Variants in MYO5B observed in about 807,000 individuals in gnomAD.
The protein encoded by MYO5B is unconventional myosin-Vb.
MYO5B carries 143 observed loss-of-function variants against 229.3 expected under a neutral mutation model. The ratio of observed to expected loss-of-function variants is 0.62; its 90% CI spans 0.54 to 0.72. MYO5B has a LOEUF of 0.72. Ranked by LOEUF, MYO5B falls within the 30% of genes least tolerant of loss-of-function variation. MYO5B has a pLI of 0.00. For synonymous variants in MYO5B, 918 were observed against 885.2 expected (o/e 1.04, Z -0.66); for missense variants, 2,321 against 2,331.0 (o/e 1.00, Z 0.09).
chr18:49,864,511 G>C (rs1598841909), intron 27 of MYO5B, 131 bp from the exon 28 acceptor site: 1 of 1,297,632 alleles, frequency 7.7e-7, no homozygotes, highest in East Asian at 2.3e-5. Flanking sequence ...CACATGGAAA[G>C]TTCTGACTGC....
intron 1 of MYO5B, among the ~76,000 whole-genome samples, chr18:50,117,332 G>A (rs1046560580): frequency 4.0e-5 from 6 of 151,826 alleles, no homozygotes; most frequent in Admixed American, 2.6e-4. Flanking sequence ...TTTCTTCAAG[G>A]CTCTTCCAGG....
intron 16 of MYO5B, among the ~76,000 whole-genome samples, chr18:49,930,806 G>T (rs1424547658): frequency 6.6e-6 from 1 of 151,714 alleles, no homozygotes. Flanking sequence ...GCAGAAGAAT[G>T]GCATGAATCC....
chr18:50,086,445 T>A (rs762981454), intron 1 of MYO5B, among the ~76,000 whole-genome samples: 1 of 152,244 alleles, frequency 6.6e-6, no homozygotes, highest in East Asian at 1.9e-4. Flanking sequence ...TTAATACACA[T>A]AGATCTGGCT....
At chr18:49,931,648 C>A (rs892450191) in intron 16 of MYO5B, among the ~76,000 whole-genome samples, 3 of 152,186 alleles carry the variant, frequency 2.0e-5, no homozygotes, top group Middle Eastern at 3.2e-3. Context: ...AGAGGAAGCA[C>A]AGTTCCAGGA....
At chr18:49,996,573 T>G (rs1422858390) in intron 5 of MYO5B, among the ~76,000 whole-genome samples, 1 of 152,242 alleles carries the variant, frequency 6.6e-6, no homozygotes, top group Non-Finnish European at 1.5e-5. Context: ...TACCAACTAC[T>G]TATGGTATAA....
At chr18:49,835,226 C>G (rs2023973578) in intron 39 of MYO5B, 118 bp downstream of exon 39, 9 of 752,328 alleles carry the variant, frequency 1.2e-5, no homozygotes, top group Non-Finnish European at 2.1e-5. Flanking sequence ...TGTAAGGTCT[C>G]CCAGCATATA....
chr18:50,157,875 T>A (rs749650547), intron 1 of MYO5B, among the ~76,000 whole-genome samples: 2 of 152,190 alleles, frequency 1.3e-5, no homozygotes, highest in Non-Finnish European at 2.9e-5. Flanking sequence ...AGCACTTAAA[T>A]AATGGTGAAA....
intron 1 of MYO5B, among the ~76,000 whole-genome samples, chr18:50,111,068 T>G (rs2031855970): frequency 6.6e-6 from 1 of 152,220 alleles, no homozygotes; most frequent in African/African-American, 2.4e-5. Context: ...GTTTTCATTC[T>G]TTGGTGGAGA....
At position 50,052,945 on chromosome 18, in the gene MYO5B, G is replaced by A. The variant is rs534790797; in HGVS notation, c.138+2323C>T. Among the ~76,000 whole-genome samples the A allele has an allele frequency of 4.9e-4, 74 of 152,286 alleles. No homozygotes were observed. The South Asian group carries it at 0.015, about 30-fold the overall frequency. On this transcript the variant is annotated intron_variant, in intron 2 of 39. Coordinates refer to ENST00000285039, the MANE Select transcript of MYO5B (RefSeq NM_001080467.3). Reference sequence around the variant, plus strand: ...TAACTGATGTTAATCCTTTGCTGATGCAGTGAAACCCACACTATTGAACTT... The same window carrying A: ...TAACTGATGTTAATCCTTTGCTGATACAGTGAAACCCACACTATTGAACTT...
intron 25 of MYO5B, 44 bp from the exon 26 acceptor site, chr18:49,875,871 A>G (rs1156427180): frequency 6.2e-7 from 1 of 1,611,154 alleles, no homozygotes; most frequent in African/African-American, 1.3e-5. Flanking sequence ...TCCTAAATAC[A>G]TGCCTTAGGG....
chr18:50,118,120 C>A (rs761330737), intron 1 of MYO5B, among the ~76,000 whole-genome samples: 1 of 152,148 alleles, frequency 6.6e-6, no homozygotes, highest in Non-Finnish European at 1.5e-5. Flanking sequence ...CAAATGATTG[C>A]AACTCAGTAG....
At chr18:49,973,948 G>C (rs16951338) in intron 10 of MYO5B, among the ~76,000 whole-genome samples, 5,167 of 152,284 alleles carry the variant, frequency 0.034, 305 homozygotes, top group African/African-American at 0.12. Context: ...AGGTCAAATG[G>C]TAGATTGAAA....
At chr18:50,113,225 GT>G (rs1388078042) in intron 1 of MYO5B, among the ~76,000 whole-genome samples, 1 of 152,156 alleles carries the variant, frequency 6.6e-6, no homozygotes, top group Non-Finnish European at 1.5e-5. Flanking sequence ...GCATAAAACA[GT>G]GAACAAAAAA....
At chr18:49,946,443 T>G (rs1425742360) in intron 14 of MYO5B, 1 of 152,204 alleles carries the variant, frequency 6.6e-6, no homozygotes, top group Non-Finnish European at 1.5e-5. Context: ...TTTTAGAGCA[T>G]TCTAGATTTG....
intron 17 of MYO5B, among the ~76,000 whole-genome samples, chr18:49,912,855 G>A (rs2144162813): frequency 1.3e-5 from 2 of 152,340 alleles, no homozygotes; most frequent in East Asian, 3.9e-4. Flanking sequence ...AGAAGCAGGA[G>A]CCTTACCTAG....
chr18:50,085,054 A>G (rs1200001115), intron 1 of MYO5B, among the ~76,000 whole-genome samples: 1 of 152,212 alleles, frequency 6.6e-6, no homozygotes, highest in Non-Finnish European at 1.5e-5. Context: ...AAAAGCAAAA[A>G]CTGACAAATG....
At chr18:50,104,288 A>ATATATATATATATATATCTATCTATC (rs1031683380) in intron 1 of MYO5B, among the ~76,000 whole-genome samples, 32 of 144,756 alleles carry the variant, frequency 2.2e-4, no homozygotes, top group African/African-American at 8.0e-4. Context: ...ATATATATAT[A>ATATATATATATATATATCTATCTATC]TATCTCATAA....
rs1205070431 is a variant in MYO5B, at chr18:49,902,716, G to A, written c.2689C>T (p.Leu897Phe). 1 of 1,611,254 alleles carries A rather than the reference G, an allele frequency of 6.2e-7. No homozygotes were observed. The highest frequency in any genetic ancestry group is 8.5e-7 in the Non-Finnish European group (1 of 1,180,024). ...AIVIQCAFRM[L>F]KARRELKALR... ...GCCTTCAGCTCCCGCCTGGCCTTGA[G>A]CATCCGGAAGGCACACTGGATGACA... The change falls in exon 21 of 40, where the codon CTC becomes TTC. Residue 897 changes from leucine (L) to phenylalanine (F), a missense_variant. Physicochemically the swap from Leu to Phe is conservative, Grantham distance 22. This residue lies in a region of MYO5B where 2,113 missense variants were observed against 2,044.7 expected (regional missense o/e 1.03). Coordinates refer to ENST00000285039, the MANE Select transcript of MYO5B (RefSeq NM_001080467.3).
chr18:50,022,906 C>T (rs1239174664), intron 4 of MYO5B, among the ~76,000 whole-genome samples: 2 of 152,098 alleles, frequency 1.3e-5, no homozygotes, highest in African/African-American at 4.8e-5. Flanking sequence ...GAAGCCCAGC[C>T]TAAAGTGGGA....
Sources: allele counts gnomAD v4.1 joint callset (sites outside exome capture counted in the v4.1 genomes callset), GRCh38; gene constraint gnomAD v4.1.1; regional missense constraint gnomAD v4.1.1; transcripts MANE v1.5; gene names NCBI Gene and HGNC (gene_info 2026-07-23, HGNC 2026-07-21).